The following NKAIN1 variants were observed in gnomAD, a reference collection of about 807,000 sequenced individuals.
NKAIN1 encodes the protein sodium/potassium-transporting ATPase subunit beta-1-interacting protein 1.
Under a neutral mutation model 31.6 loss-of-function variants are expected in NKAIN1, and 13 were observed. That is an observed-to-expected ratio of 0.41 (90% CI 0.27 to 0.65). The LOEUF (loss-of-function observed/expected upper bound fraction) is 0.65, where lower values mean the gene tolerates loss of function less well. Among genes scored for constraint, NKAIN1 ranks in the 30% least tolerant of loss-of-function variants. The probability of loss-of-function intolerance (pLI) is 0.30; values close to 1 mark genes in which losing one functional copy is unlikely to be tolerated. For missense variants in NKAIN1, 193 were observed against 262.2 expected (o/e 0.74, Z 1.82); for synonymous variants, 104 against 109.0 (o/e 0.95, Z 0.28).
chr1:31,192,834 G>T (rs969266207), intron 1 of NKAIN1, among the ~76,000 whole-genome samples: 1 of 151,754 alleles, frequency 6.6e-6, no homozygotes. Context: ...GATTACAGGC[G>T]TGAGCCACCA....
intron 5 of NKAIN1, 125 bp from the exon 6 acceptor site, chr1:31,182,066 T>G (rs1205506370): frequency 3.1e-6 from 3 of 966,236 alleles, no homozygotes; most frequent in Non-Finnish European, 4.7e-6. Flanking sequence ...AGAGAAGCCA[T>G]GAGGAGGGGA....
chr1:31,211,286 G>A (rs1240142462), intron 1 of NKAIN1, among the ~76,000 whole-genome samples: 1 of 152,130 alleles, frequency 6.6e-6, no homozygotes, highest in African/African-American at 2.4e-5. Context: ...AACAACTAGA[G>A]CTACTAATTT....
At chr1:31,231,747 G>A (rs886876369) in intron 1 of NKAIN1, among the ~76,000 whole-genome samples, 5 of 149,148 alleles carry the variant, frequency 3.4e-5, no homozygotes, top group African/African-American at 5.0e-5. Context: ...AGCCAGGATG[G>A]TCTCGATCTC....
intron 1 of NKAIN1, among the ~76,000 whole-genome samples, chr1:31,226,206 C>T (rs1211568283): frequency 1.3e-5 from 2 of 152,198 alleles, no homozygotes; most frequent in East Asian, 1.9e-4. Context: ...CAGCATCCCG[C>T]GTTAAGCGCC....
At chr1:31,214,985 G>A (rs757783900) in intron 1 of NKAIN1, among the ~76,000 whole-genome samples, 4 of 152,218 alleles carry the variant, frequency 2.6e-5, no homozygotes, top group Admixed American at 1.3e-4. Flanking sequence ...AAGCACCTAC[G>A]GTGGGGAGTC....
intron 1 of NKAIN1, among the ~76,000 whole-genome samples, chr1:31,231,361 G>A (rs1270883721): frequency 1.9e-4 from 24 of 124,188 alleles, no homozygotes; most frequent in Non-Finnish European, 3.5e-4. Flanking sequence ...TTTAATAGAT[G>A]CAGGGTCTTG....
intron 1 of NKAIN1, among the ~76,000 whole-genome samples, chr1:31,197,693 C>T (rs10157534): frequency 0.021 from 3,223 of 150,260 alleles, 104 homozygotes; most frequent in African/African-American, 0.074. Context: ...ATTACAGGCA[C>T]CTGCCACCAA....
intron 1 of NKAIN1, among the ~76,000 whole-genome samples, chr1:31,231,522 T>TTTGTTGTTG (rs71569973): frequency 8.0e-5 from 12 of 150,676 alleles, no homozygotes; most frequent in African/African-American, 2.7e-4. Context: ...TTTGTTGTTG[T>TTTGTTGTTG]TTGTTGTTGT....
intron 1 of NKAIN1, among the ~76,000 whole-genome samples, chr1:31,190,057 A>G (rs976727564): frequency 6.6e-6 from 1 of 152,180 alleles, no homozygotes; most frequent in Admixed American, 6.5e-5. Context: ...GATTTTTGTC[A>G]TTTGCAACAA....
intron 1 of NKAIN1, among the ~76,000 whole-genome samples, chr1:31,195,539 C>A (rs1645319667): frequency 1.3e-5 from 2 of 152,120 alleles, no homozygotes; most frequent in Non-Finnish European, 2.9e-5. Context: ...CATCCACAGT[C>A]CCTTCTCTCT....
At chr1:31,184,844 A>C (rs1421877061) in intron 3 of NKAIN1, among the ~76,000 whole-genome samples, 2 of 152,172 alleles carry the variant, frequency 1.3e-5, no homozygotes, top group African/African-American at 4.8e-5. Context: ...CTTCTGAAAA[A>C]TATTGATCAG....
At chr1:31,209,864 G>A (rs982907171) in intron 1 of NKAIN1, among the ~76,000 whole-genome samples, 1 of 151,830 alleles carries the variant, frequency 6.6e-6, no homozygotes, top group Admixed American at 6.6e-5. Flanking sequence ...GTGCATGTCT[G>A]TAGTCCTAGC....
intron 1 of NKAIN1, among the ~76,000 whole-genome samples, chr1:31,193,055 TA>T: frequency 2.0e-5 from 2 of 99,440 alleles, no homozygotes; most frequent in African/African-American, 5.1e-5. Context: ...AATTTTATTT[TA>T]TTATTTATTT....
chr1:31,203,133 A>C (rs12123713), intron 1 of NKAIN1, among the ~76,000 whole-genome samples: 15 of 149,994 alleles, frequency 1.0e-4, no homozygotes, highest in African/African-American at 3.2e-4. Context: ...TTAGACAGGC[A>C]TGGTGGCTGT....
At chr1:31,188,010 G>A (rs1213452339) in intron 2 of NKAIN1, 40 bp downstream of exon 2, 1 of 1,543,122 alleles carries the variant, frequency 6.5e-7, no homozygotes, top group Non-Finnish European at 8.8e-7. Flanking sequence ...GCAGGGGTGA[G>A]GAGAGGAGTT....
rs1234854838 is a variant in NKAIN1 at position 31,239,445 on chromosome 1, C to T, written c.54+49G>A. 2 of 1,401,304 alleles carry T rather than the reference C, an allele frequency of 1.4e-6. No homozygotes were observed. Among genetic ancestry groups the T allele is most frequent in the East Asian group, 3.1e-5 (1 of 32,692 alleles). The allele number at this position is 1,401,304 out of a possible 1,614,324, so 86.8% of individuals were successfully genotyped here. A position where few individuals can be genotyped will look rare whatever the true frequency, so the allele number is the denominator to read the frequency against. ...CCCACCCGCACGCCCTGGGACCGCG[C>T]CCCGCCGCGCCCCACCCTGCCCCGA... On this transcript the variant is annotated intron_variant, in intron 1 of 6. Coordinates refer to ENST00000373736, the MANE Select transcript of NKAIN1 (RefSeq NM_024522.3). The surrounding 1 kb of genome is among the most constrained non-coding windows in gnomAD (Gnocchi z 4.8).
At chr1:31,225,033 C>CTTTTCTTTTTTCTTTTTT (rs542671307) in intron 1 of NKAIN1, among the ~76,000 whole-genome samples, 1 of 112,132 alleles carries the variant, frequency 8.9e-6, no homozygotes, top group African/African-American at 4.2e-5. Flanking sequence ...CTTTTCTTTT[C>CTTTTCTTTTTTCTTTTTT]TTTTTTTTTT....
intron 1 of NKAIN1, among the ~76,000 whole-genome samples, chr1:31,201,242 C>G (rs945498891): frequency 6.6e-6 from 1 of 152,150 alleles, no homozygotes; most frequent in African/African-American, 2.4e-5. Flanking sequence ...GGAAACAAAA[C>G]AAACCAAATC....
chr1:31,192,697 CAT>C (rs1243135494), intron 1 of NKAIN1, among the ~76,000 whole-genome samples: 1 of 152,094 alleles, frequency 6.6e-6, no homozygotes, highest in East Asian at 1.9e-4. Context: ...ACTACAGGCG[CAT>C]CCCACCATGC....
Sources: gnomAD v4.1 joint callset for allele counts (sites outside exome capture counted in the v4.1 genomes callset) on GRCh38, gnomAD v4.1.1 for gene constraint, Gnocchi (gnomAD v3.1) non-coding constraint, MANE v1.5 for transcripts, NCBI Gene and HGNC (gene_info 2026-07-23, HGNC 2026-07-21) for gene names.